The following EPHB1 variants were observed in gnomAD, a reference collection of about 807,000 sequenced individuals.
EPHB1 encodes EPH receptor B1.
Under a neutral mutation model 94.4 loss-of-function variants are expected in EPHB1, and 30 were observed. The ratio of observed to expected loss-of-function variants is 0.32; its 90% CI spans 0.24 to 0.43. The LOEUF (loss-of-function observed/expected upper bound fraction) is 0.43, where lower values mean the gene tolerates loss of function less well. EPHB1 is among the 20% of genes least tolerant of loss of function. The pLI, the probability that EPHB1 is intolerant of heterozygous loss-of-function variation, is 1.00. For missense variants in EPHB1, 1,055 were observed against 1,308.3 expected (o/e 0.81, Z 2.99); for synonymous variants, 522 against 489.1 (o/e 1.07, Z -0.89).
At chr3:135,139,564 C>A (rs1040117907) in intron 5 of EPHB1, among the ~76,000 whole-genome samples, 1 of 152,124 alleles carries the variant, frequency 6.6e-6, no homozygotes, top group African/African-American at 2.4e-5. Flanking sequence ...ACATAACAGA[C>A]AAAAATCTGT....
intron 1 of EPHB1, among the ~76,000 whole-genome samples, chr3:134,880,628 C>G (rs1369114580): frequency 6.6e-6 from 1 of 152,220 alleles, no homozygotes; most frequent in East Asian, 1.9e-4. Flanking sequence ...TCACCAGAGG[C>G]CACAAGGCCA....
intron 3 of EPHB1, among the ~76,000 whole-genome samples, chr3:135,044,669 G>T (rs932784789): frequency 1.2e-4 from 19 of 152,172 alleles, no homozygotes; most frequent in African/African-American, 3.4e-4. Flanking sequence ...ATAGGCAAAG[G>T]TCTCAGCACA....
intron 3 of EPHB1, among the ~76,000 whole-genome samples, chr3:134,981,447 T>G (rs938077601): frequency 6.6e-6 from 1 of 152,228 alleles, no homozygotes; most frequent in South Asian, 2.1e-4. Context: ...TTAAATGGCC[T>G]GGTTCAGAAG....
intron 3 of EPHB1, among the ~76,000 whole-genome samples, chr3:135,064,830 G>A (rs935970261): frequency 3.9e-5 from 6 of 152,076 alleles, no homozygotes; most frequent in Non-Finnish European, 7.4e-5. Flanking sequence ...TCTTTCTGAT[G>A]TAGGTATTTA....
At chr3:135,151,974 A>G (rs540356472) in intron 5 of EPHB1, among the ~76,000 whole-genome samples, 62 of 152,354 alleles carry the variant, frequency 4.1e-4, no homozygotes, top group Admixed American at 7.2e-4. Flanking sequence ...TCATATTAAT[A>G]GATATATAAT....
chr3:134,920,564 G>A (rs1316066798), intron 1 of EPHB1, among the ~76,000 whole-genome samples: 1 of 152,108 alleles, frequency 6.6e-6, no homozygotes, highest in Non-Finnish European at 1.5e-5. Flanking sequence ...AGTATATGTT[G>A]TATTTTGTTA....
At position 135,106,583 on chromosome 3, in the gene EPHB1, C is replaced by T; in HGVS notation, c.941C>T (p.Pro314Leu). The change falls in exon 4 of 16, where the codon CCT (proline) becomes CTT (leucine). Residue 314 changes from proline to leucine, a missense_variant. Transcript: ENST00000398015. ...RTGYYRADFD[P>L]PEVACTSVPS... ...GGTTATTACCGAGCGGACTTTGACCCTCCAGAAGTGGCATGCACTAGTAAG... is the reference window on the plus strand; with the variant it reads ...GGTTATTACCGAGCGGACTTTGACCTTCCAGAAGTGGCATGCACTAGTAAG... 1.2e-6 allele frequency: 2 copies of T among 1,614,014 alleles called. No individual in the cohort carries two copies. The highest frequency in any genetic ancestry group is 8.5e-7 in the Non-Finnish European group (1 of 1,179,898).
chr3:134,989,620 A>G (rs1195609304), intron 3 of EPHB1, among the ~76,000 whole-genome samples: 2 of 152,214 alleles, frequency 1.3e-5, no homozygotes, highest in Non-Finnish European at 1.5e-5. Context: ...CACTGTAACT[A>G]GAAAGATGGA....
At position 135,148,593 on chromosome 3, in the gene EPHB1, T is replaced by G. The variant is rs571977131; in HGVS notation, c.1298-5559T>G. Reference sequence around the variant, plus strand: ...AGTTTGGGCCAACATTTGTTCCACGTCATCTGTGAGCTCTTTCACAACTTG... The same window carrying G: ...AGTTTGGGCCAACATTTGTTCCACGGCATCTGTGAGCTCTTTCACAACTTG... On this transcript the variant is annotated intron_variant, in intron 5 of 15. Coordinates refer to ENST00000398015, the MANE Select transcript of EPHB1 (RefSeq NM_004441.5). 2.0e-5 allele frequency among the ~76,000 whole-genome samples: 3 copies of G among 152,332 alleles called. No homozygotes were observed. The South Asian group carries it at 6.2e-4, about 32-fold the overall frequency.
At chr3:135,126,037 A>C (rs1367745372) in intron 4 of EPHB1, among the ~76,000 whole-genome samples, 3 of 152,138 alleles carry the variant, frequency 2.0e-5, no homozygotes, top group African/African-American at 7.2e-5. Context: ...CCTTATTTTG[A>C]AAATTGAATT....
At chr3:134,901,059 A>T (rs77097242) in intron 1 of EPHB1, among the ~76,000 whole-genome samples, 22,937 of 149,956 alleles carry the variant, frequency 0.15, 2,207 homozygotes, top group African/African-American at 0.27. Context: ...ACTTCTTTTT[A>T]AAAAAAAAAC....
At position 135,260,129 on chromosome 3, in the gene EPHB1, C is replaced by G. The variant is rs961080820; in HGVS notation, c.*1009C>G. ...CAGTGTGGGCCATCCTGGAATGATA[C>G]TGACTGATTAATTATTCCTGATAAC... On this transcript the variant is annotated 3_prime_UTR_variant, in exon 16 of 16. Transcript: ENST00000398015. The G allele has an allele frequency of 8.6e-6, 2 of 232,780 alleles. No individual in the cohort carries two copies. The highest frequency in any genetic ancestry group is 1.7e-5 in the Non-Finnish European group (2 of 117,530). The allele number at this position is 232,780 out of a possible 1,614,324, so 14.4% of individuals were successfully genotyped here.
At position 135,196,598 on chromosome 3, in the gene EPHB1, G is replaced by A. The variant is rs576275940; in HGVS notation, c.2130+3775G>A. On this transcript the variant is annotated intron_variant, in intron 11 of 15. Transcript: ENST00000398015. ...GACATATCTGCTGCTTGATAAAATC[G>A]AAAAATAGGTCATCAGTTCAGTTCT... 8.9e-4 allele frequency among the ~76,000 whole-genome samples: 135 copies of A among 152,092 alleles called. 3 individuals carry two copies. The highest frequency in any genetic ancestry group is 1.3e-3 in the Non-Finnish European group (86 of 67,982).
chr3:134,987,158 C>T (rs780441724), intron 3 of EPHB1, among the ~76,000 whole-genome samples: 5 of 151,938 alleles, frequency 3.3e-5, no homozygotes, highest in Non-Finnish European at 7.4e-5. Context: ...ACAACAACAA[C>T]AATAATAATA....
At chr3:135,110,873 T>TG (rs892475264) in intron 4 of EPHB1, among the ~76,000 whole-genome samples, 6 of 151,492 alleles carry the variant, frequency 4.0e-5, no homozygotes, top group East Asian at 1.9e-4. Context: ...AGTGGTGGGG[T>TG]GGGGGGGTGG....
At chr3:135,182,198 A>G (rs889649746) in intron 10 of EPHB1, among the ~76,000 whole-genome samples, 5 of 152,220 alleles carry the variant, frequency 3.3e-5, no homozygotes, top group African/African-American at 1.2e-4. Flanking sequence ...CAGTGCTAAA[A>G]GAGCTGGTGT....
intron 3 of EPHB1, among the ~76,000 whole-genome samples, chr3:135,064,144 T>C (rs1937550849): frequency 6.6e-6 from 1 of 151,858 alleles, no homozygotes; most frequent in African/African-American, 2.4e-5. Flanking sequence ...CGGATATTAA[T>C]CTGTAGTTTT....
intron 3 of EPHB1, among the ~76,000 whole-genome samples, chr3:135,072,712 G>A (rs9863410): frequency 0.45 from 69,048 of 152,018 alleles, 16,145 homozygotes; most frequent in Middle Eastern, 0.51. Flanking sequence ...TGTCTGGCAC[G>A]CCCTCTCTTC....
chr3:135,201,723 T>C (rs1942762921), intron 12 of EPHB1, 34 bp downstream of exon 12: 1 of 1,599,838 alleles, frequency 6.3e-7, no homozygotes, highest in Non-Finnish European at 8.6e-7. Context: ...AGTAGAAGCA[T>C]GGCATGAGTT....
Sources: allele counts gnomAD v4.1 joint callset (sites outside exome capture counted in the v4.1 genomes callset), GRCh38; gene constraint gnomAD v4.1.1; transcripts MANE v1.5; gene names NCBI Gene and HGNC (gene_info 2026-07-23, HGNC 2026-07-21).